Variants in FGF12 observed in about 807,000 individuals in gnomAD.
FGF12 encodes the protein fibroblast growth factor 12B.
Under a neutral mutation model 23.6 loss-of-function variants are expected in FGF12, and 14 were observed. That is an observed-to-expected ratio of 0.59 (90% CI 0.39 to 0.93). The LOEUF (loss-of-function observed/expected upper bound fraction) is 0.93. FGF12 is among the 40% of genes least tolerant of loss of function. FGF12 has a pLI of 0.00. For synonymous variants in FGF12, 62 were observed against 77.3 expected, an observed-to-expected ratio of 0.80 and a Z score of 1.04; for missense variants, 175 against 217.8, an observed-to-expected ratio of 0.80 and a Z score of 1.24.
Position 192,514,710 on chromosome 3 carries a change from C to T in FGF12, c.14-154172G>A. The T allele has an allele frequency of 1.0e-6, 1 of 985,462 alleles. No homozygotes were observed. The highest frequency in any genetic ancestry group is 1.2e-6 in the Non-Finnish European group (1 of 829,944). The allele number at this position is 985,462 out of a possible 1,614,324, so 61.0% of individuals were successfully genotyped here. A position where few individuals can be genotyped will look rare whatever the true frequency, so the allele number is the denominator to read the frequency against. ...ACCTCAGGCTCCTTCCACAGAGACA[C>T]TGCAGCATATGCACTCCTTTCTTCA... On this transcript the variant is annotated intron_variant, in intron 2 of 5. Coordinates refer to ENST00000445105, the MANE Select transcript of FGF12 (RefSeq NM_004113.6). This position sits in a 1 kb window ranked among gnomAD's most constrained non-coding sequence, Gnocchi z 4.9.
intron 2 of FGF12, among the ~76,000 whole-genome samples, chr3:192,399,314 C>T (rs1043198956): frequency 2.6e-5 from 4 of 152,116 alleles, no homozygotes; most frequent in African/African-American, 9.7e-5. Flanking sequence ...TCCCTTGCCC[C>T]TTCTGCCATT....
intron 2 of FGF12, among the ~76,000 whole-genome samples, chr3:192,606,397 G>T (rs1714339137): frequency 6.6e-6 from 1 of 152,026 alleles, no homozygotes. Context: ...GAGGGTGCAG[G>T]GGTTGAAAAA....
chr3:192,380,493 A>G (rs1028219775), intron 2 of FGF12, among the ~76,000 whole-genome samples: 1 of 152,234 alleles, frequency 6.6e-6, no homozygotes, highest in Non-Finnish European at 1.5e-5. Context: ...TGGCTAATAG[A>G]GTATAAGTTC....
intron 4 of FGF12, among the ~76,000 whole-genome samples, chr3:192,219,146 G>A (rs549918109): frequency 6.6e-6 from 1 of 152,158 alleles, no homozygotes; most frequent in South Asian, 2.1e-4. Context: ...GTGCAGTGGT[G>A]CAATCTTGGC....
rs76976875 is a variant in FGF12, at chr3:192,427,579, G to A, written c.14-67041C>T. ...TCTGACGTTAATTCTAATCAATATG[G>A]TAGGCATTTATTTCATTTAGTAAAT... On this transcript the variant is annotated intron_variant, in intron 2 of 5. Coordinates refer to ENST00000445105, the MANE Select transcript of FGF12 (RefSeq NM_004113.6). Among the ~76,000 whole-genome samples, 341 of 152,232 alleles carry A rather than the reference G, an allele frequency of 2.2e-3. 2 individuals are homozygous for A. The highest frequency in any genetic ancestry group is 7.7e-3 in the African/African-American group (318 of 41,520).
Position 192,248,493 on chromosome 3 carries a change from A to G in FGF12, c.229-77837T>C, listed in dbSNP as rs143757035. On this transcript the variant is annotated intron_variant, in intron 4 of 5. Transcript: ENST00000445105. ...AGCTATCCTGGGTATTCAGACAGTT[A>G]AGATTCTTGGATGATCCCAAAGTTT... Among the ~76,000 whole-genome samples the G allele has an allele frequency of 2.8e-3, 421 of 152,292 alleles. 2 individuals carry two copies. Among genetic ancestry groups the G allele is most frequent in the African/African-American group, 9.7e-3 (402 of 41,566 alleles).
chr3:192,317,201 A>T (rs1040445492), intron 4 of FGF12, among the ~76,000 whole-genome samples: 2 of 151,784 alleles, frequency 1.3e-5, no homozygotes. Flanking sequence ...AGAAAAGGAG[A>T]GGAAAGAGTA....
intron 4 of FGF12, among the ~76,000 whole-genome samples, chr3:192,191,229 C>A (rs1173413569): frequency 6.6e-6 from 1 of 152,096 alleles, no homozygotes; most frequent in East Asian, 1.9e-4. Flanking sequence ...GGGGAAAAGT[C>A]AGGTGAATCC....
At chr3:192,398,297 T>C (rs1258442426) in intron 2 of FGF12, among the ~76,000 whole-genome samples, 1 of 152,166 alleles carries the variant, frequency 6.6e-6, no homozygotes, top group Non-Finnish European at 1.5e-5. Context: ...CTGTGTTTCA[T>C]GTTCCCAGTC....
chr3:192,444,209 T>C (rs2108798207), intron 2 of FGF12, among the ~76,000 whole-genome samples: 1 of 152,022 alleles, frequency 6.6e-6, no homozygotes. Context: ...ATCACCCATA[T>C]CCCCTCCAGT....
At chr3:192,720,752 A>G (rs1719015425) in intron 2 of FGF12, among the ~76,000 whole-genome samples, 1 of 152,226 alleles carries the variant, frequency 6.6e-6, no homozygotes, top group African/African-American at 2.4e-5. Flanking sequence ...TGCTCCTGAT[A>G]AAGAACACAT....
intron 2 of FGF12, among the ~76,000 whole-genome samples, chr3:192,710,476 C>T (rs1052618223): frequency 8.5e-5 from 13 of 152,106 alleles, no homozygotes; most frequent in African/African-American, 3.1e-4. Context: ...AACTGGAAAA[C>T]CAGCTGGTGA....
At position 192,535,314 on chromosome 3, in the gene FGF12, G is replaced by GA. The variant is rs1321391842; in HGVS notation, c.14-174777dup. ...AGTCTTTCATCCATATATCCATAGGGAAAAAATTCTACTTAAAATTAAAAC... is the reference window on the plus strand; with the variant it reads ...AGTCTTTCATCCATATATCCATAGGGAAAAAAATTCTACTTAAAATTAAAAC... On this transcript the variant is annotated intron_variant, in intron 2 of 5. Coordinates refer to ENST00000445105, the MANE Select transcript of FGF12 (RefSeq NM_004113.6). 2.6e-5 allele frequency among the ~76,000 whole-genome samples: 4 copies of GA among 152,102 alleles called. No individual in the cohort carries two copies. In the South Asian group the frequency reaches 6.2e-4, roughly 24 times the overall value.
At chr3:192,512,463 T>C (rs1262523564) in intron 2 of FGF12, among the ~76,000 whole-genome samples, 1 of 152,108 alleles carries the variant, frequency 6.6e-6, no homozygotes, top group East Asian at 1.9e-4. Flanking sequence ...TGGCATACTA[T>C]GAGAGCTCAA....
chr3:192,265,951 T>C lies in FGF12; in HGVS notation c.228+69410A>G, dbSNP rs551160870. 5.3e-5 allele frequency among the ~76,000 whole-genome samples: 8 copies of C among 152,262 alleles called. No homozygotes were observed. The South Asian group carries it at 1.0e-3, about 20-fold the overall frequency. ...CTCTGCAAGCTTCCGTTTCCTTCTA[T>C]GCATTGTGGGGATAAAGAACTGGCT... On this transcript the variant is annotated intron_variant, in intron 4 of 5. Transcript: ENST00000445105.
chr3:192,491,500 G>A (rs1243667960), intron 2 of FGF12, among the ~76,000 whole-genome samples: 2 of 152,138 alleles, frequency 1.3e-5, no homozygotes, highest in East Asian at 3.9e-4. Context: ...GATGAAAAAT[G>A]TGATGAACTT....
chr3:192,291,074 T>C (rs1577324341), intron 4 of FGF12, among the ~76,000 whole-genome samples: 1 of 152,168 alleles, frequency 6.6e-6, no homozygotes, highest in Non-Finnish European at 1.5e-5. Flanking sequence ...TAAATTACCA[T>C]GTCTCCAGTT....
intron 2 of FGF12, among the ~76,000 whole-genome samples, chr3:192,499,570 C>T (rs776234198): frequency 3.0e-4 from 34 of 114,594 alleles, no homozygotes; most frequent in East Asian, 5.6e-4. Context: ...CTTGCTCGGT[C>T]GCCCAGGCTG....
chr3:192,667,485 C>A lies in FGF12; in HGVS notation c.13+59696G>T, dbSNP rs187823852. Among the ~76,000 whole-genome samples the A allele has an allele frequency of 3.3e-5, 5 of 151,738 alleles. No individual in the cohort carries two copies. In the South Asian group the frequency reaches 1.0e-3, roughly 32 times the overall value. The stretch of plus-strand genomic sequence containing the variant: ...CTTAGCCAGGCTTGGTGGCGTGTAC[C>A]TGTAGTCTCAGCTACCCGGAAGGCT... On this transcript the variant is annotated intron_variant, in intron 2 of 5. Transcript: ENST00000445105.
Sources: gnomAD v4.1 joint callset for allele counts (sites outside exome capture counted in the v4.1 genomes callset) on GRCh38, gnomAD v4.1.1 for gene constraint, Gnocchi (gnomAD v3.1) non-coding constraint, MANE v1.5 for transcripts, NCBI Gene and HGNC (gene_info 2026-07-23, HGNC 2026-07-21) for gene names.